The following ZNF423 variants were observed in gnomAD, a reference collection of about 807,000 sequenced individuals.
The protein encoded by ZNF423 is zinc finger protein 423.
ZNF423 carries 12 observed loss-of-function variants against 95.8 expected under a neutral mutation model. That is an observed-to-expected ratio of 0.13 (90% CI 0.08 to 0.20). ZNF423 has a LOEUF of 0.20. Among genes scored for constraint, ZNF423 ranks in the 10% least tolerant of loss-of-function variants. The pLI is 1.00. For missense variants in ZNF423, 1,316 were observed against 1,737.1 expected, an observed-to-expected ratio of 0.76 and a Z score of 4.31; for synonymous variants, 749 against 711.9, an observed-to-expected ratio of 1.05 and a Z score of -0.83.
chr16:49,614,758 T>C (rs1488663913), intron 5 of ZNF423, among the ~76,000 whole-genome samples: 1 of 152,190 alleles, frequency 6.6e-6, no homozygotes, highest in Non-Finnish European at 1.5e-5. Flanking sequence ...AATATACAAT[T>C]ATCTCAAAAT....
At chr16:49,784,518 G>A (rs555897440) in intron 2 of ZNF423, among the ~76,000 whole-genome samples, 30 of 152,352 alleles carry the variant, frequency 2.0e-4, no homozygotes, top group South Asian at 6.2e-4. Context: ...CTAAAAAGGG[G>A]TGAAGGACAG....
At chr16:49,682,076 C>A (rs1340729567) in intron 3 of ZNF423, among the ~76,000 whole-genome samples, 3 of 151,616 alleles carry the variant, frequency 2.0e-5, no homozygotes, top group Non-Finnish European at 4.4e-5. Context: ...ACCCCCCAGT[C>A]TCCTGTTCCT....
chr16:49,667,199 T>C (rs1441980366), intron 3 of ZNF423, among the ~76,000 whole-genome samples: 1 of 152,206 alleles, frequency 6.6e-6, no homozygotes, highest in African/African-American at 2.4e-5. Context: ...CAAGGGGCAG[T>C]TGTGCTGATT....
At chr16:49,658,892 C>T (rs910802724) in intron 3 of ZNF423, among the ~76,000 whole-genome samples, 3 of 152,216 alleles carry the variant, frequency 2.0e-5, no homozygotes, top group East Asian at 1.9e-4. Flanking sequence ...TTTCTCAGCC[C>T]GAGTGGCCAC....
chr16:49,524,753 G>A (rs1968536920), intron 6 of ZNF423, among the ~76,000 whole-genome samples: 1 of 152,236 alleles, frequency 6.6e-6, no homozygotes, highest in South Asian at 2.1e-4. Context: ...GTCGGGGGAG[G>A]CAGGGAAGGC....
intron 1 of ZNF423, among the ~76,000 whole-genome samples, chr16:49,818,232 AT>A (rs768015665): frequency 3.9e-5 from 6 of 152,208 alleles, no homozygotes; most frequent in African/African-American, 1.2e-4. Flanking sequence ...GCAAAGCCAT[AT>A]AAAAATACCT....
At chr16:49,504,324 G>A (rs1967546678) in intron 7 of ZNF423, among the ~76,000 whole-genome samples, 1 of 152,176 alleles carries the variant, frequency 6.6e-6, no homozygotes, top group Non-Finnish European at 1.5e-5. Context: ...CCAGCACCTT[G>A]GGAGGCCAGC....
At chr16:49,666,547 C>G (rs920985676) in intron 3 of ZNF423, among the ~76,000 whole-genome samples, 8 of 152,222 alleles carry the variant, frequency 5.3e-5, no homozygotes, top group African/African-American at 1.7e-4. Context: ...TCTATATACA[C>G]AGTCACATAT....
In ZNF423 at chr16:49,755,674, T is replaced by C. The variant is rs114240480; in HGVS notation, c.101-24703A>G. Among the ~76,000 whole-genome samples, 1,361 of 152,304 alleles carry C rather than the reference T, an allele frequency of 8.9e-3. 22 individuals are homozygous for C. The highest frequency in any genetic ancestry group is 0.03 in the African/African-American group (1,256 of 41,552). On this transcript the variant is annotated intron_variant, in intron 2 of 7. Coordinates refer to ENST00000563137, the MANE Select transcript of ZNF423 (RefSeq NM_001379286.1). Reference sequence around the variant, plus strand: ...CTCATTAACCCTCGTTTACAGGGTGTGTGCTCTTTTGTGCCTCTACGAACC... The same window carrying C: ...CTCATTAACCCTCGTTTACAGGGTGCGTGCTCTTTTGTGCCTCTACGAACC...
chr16:49,674,351 G>A (rs1450229884), intron 3 of ZNF423, among the ~76,000 whole-genome samples: 4 of 152,200 alleles, frequency 2.6e-5, no homozygotes, highest in Admixed American at 6.5e-5. Flanking sequence ...TGCAGAGCAC[G>A]CAGTGTGTTC....
chr16:49,637,308 G>A lies in ZNF423; in HGVS notation c.1868C>T (p.Pro623Leu), dbSNP rs555026438. 9 of 1,614,172 alleles carry A rather than the reference G, an allele frequency of 5.6e-6. No homozygotes were observed. Among genetic ancestry groups the A allele is most frequent in the South Asian group, 3.3e-5 (3 of 91,086 alleles). Residue 623 changes from proline (P) to leucine (L), a missense_variant, in exon 4 of 8, where the codon CCG becomes CTG. Pro to Leu is a moderately conservative substitution (Grantham distance 98). This residue lies in a region of ZNF423 where 620 missense variants were observed against 775.6 expected (regional missense o/e 0.80). Coordinates refer to ENST00000563137, the MANE Select transcript of ZNF423 (RefSeq NM_001379286.1). This position sits in a 1 kb window ranked among gnomAD's most constrained non-coding sequence, Gnocchi z 5.6. ...GCTTGCTGAGAGCCGCTGCCGCTTCGGGGAAGACACCTCCACATCGGACGA... is the reference window on the plus strand; with the variant it reads ...GCTTGCTGAGAGCCGCTGCCGCTTCAGGGAAGACACCTCCACATCGGACGA... Reference protein sequence around the residue: ...PVSSDVEVSSPKRQRLSASAN... With the variant: ...PVSSDVEVSSLKRQRLSASAN...
chr16:49,544,493 A>G (rs1672123478), intron 5 of ZNF423, among the ~76,000 whole-genome samples: 6 of 152,208 alleles, frequency 3.9e-5, no homozygotes, highest in Admixed American at 6.5e-5. Flanking sequence ...GGTGAATAAA[A>G]TATTTGGGAT....
chr16:49,651,454 C>T (rs1973399459), intron 3 of ZNF423, among the ~76,000 whole-genome samples: 1 of 152,168 alleles, frequency 6.6e-6, no homozygotes, highest in Admixed American at 6.5e-5. Context: ...CCCAGCACCC[C>T]AGGACTTCCC....
intron 2 of ZNF423, among the ~76,000 whole-genome samples, chr16:49,758,851 C>A (rs1172639120): frequency 1.3e-5 from 2 of 152,160 alleles, no homozygotes; most frequent in African/African-American, 4.8e-5. Context: ...AGTGACAGAA[C>A]TTTAAAACAA....
At chr16:49,526,254 T>G (rs1968607274) in intron 5 of ZNF423, among the ~76,000 whole-genome samples, 1 of 152,204 alleles carries the variant, frequency 6.6e-6, no homozygotes, top group Admixed American at 6.5e-5. Context: ...TGGAAGATAC[T>G]GCACCAAACG....
rs897715022 is a variant in ZNF423, at chr16:49,681,759, T to G, written c.302-42885A>C. Among the ~76,000 whole-genome samples the G allele has an allele frequency of 3.3e-5, 5 of 152,048 alleles. No homozygotes were observed. In the East Asian group the frequency reaches 9.7e-4, roughly 29 times the overall value. On this transcript the variant is annotated intron_variant, in intron 3 of 7. Transcript: ENST00000563137. ...GCTGGCTTCCTGGCCTTTCATATTA[T>G]GATTTTCTTTTTCTTTTTCTTTTTA...
chr16:49,793,137 C>T (rs1370507311), intron 1 of ZNF423, among the ~76,000 whole-genome samples: 1 of 152,050 alleles, frequency 6.6e-6, no homozygotes, highest in Non-Finnish European at 1.5e-5. Context: ...CTGTGCTACC[C>T]AGCAATGAGT....
intron 3 of ZNF423, among the ~76,000 whole-genome samples, chr16:49,728,390 A>C (rs368674972): frequency 1.4e-4 from 22 of 152,140 alleles, no homozygotes; most frequent in African/African-American, 5.1e-4. Context: ...TCTTTCAAGG[A>C]ATTTCTGACT....
rs34268073 is a variant in ZNF423 at position 49,489,252 on chromosome 16, C to T, written c.*2023G>A. ...GTGGCAGGCCCCGGGACATACTGGT[C>T]CCATCGACAGTCCCAGCACTGCCCA... On this transcript the variant is annotated 3_prime_UTR_variant, in exon 8 of 8. Coordinates refer to ENST00000563137, the MANE Select transcript of ZNF423 (RefSeq NM_001379286.1). 0.057 allele frequency: 8,745 copies of T among 152,302 alleles called. 883 individuals are homozygous for T. The highest frequency in any genetic ancestry group is 0.2 in the African/African-American group (8,214 of 41,504). 9.4% of individuals were successfully genotyped at this position (152,302 alleles called of 1,614,324 possible). A position where few individuals can be genotyped will look rare whatever the true frequency, so the allele number is the denominator to read the frequency against.
Sources: gnomAD v4.1 joint callset for allele counts (sites outside exome capture counted in the v4.1 genomes callset) on GRCh38, gnomAD v4.1.1 for gene constraint, gnomAD v4.1.1 regional missense constraint, Gnocchi (gnomAD v3.1) non-coding constraint, MANE v1.5 for transcripts, NCBI Gene and HGNC (gene_info 2026-07-23, HGNC 2026-07-21) for gene names.